GRID1: variants seen among roughly 807,000 people sequenced by gnomAD.
GRID1 encodes glutamate receptor ionotropic, delta-1.
In GRID1, 28 loss-of-function variants were observed where a neutral mutation model predicts 98.0. The observed-to-expected ratio is 0.29, with a 90% CI of 0.21 to 0.39. The LOEUF is 0.39. Among genes scored for constraint, GRID1 ranks in the 10% least tolerant of loss-of-function variants. The pLI is 1.00. For synonymous variants in GRID1, 553 were observed against 538.5 expected (o/e 1.03, Z -0.37); for missense variants, 1,111 against 1,340.5 (o/e 0.83, Z 2.67).
intron 5 of GRID1, among the ~76,000 whole-genome samples, chr10:85,872,437 TCTC>T (rs1843287445): frequency 6.6e-6 from 1 of 152,162 alleles, no homozygotes; most frequent in Non-Finnish European, 1.5e-5. Flanking sequence ...TGATTAAACT[TCTC>T]CTGCTTCCTC....
chr10:86,189,156 C>T (rs1028773559), intron 3 of GRID1, among the ~76,000 whole-genome samples: 1 of 152,182 alleles, frequency 6.6e-6, no homozygotes, highest in African/African-American at 2.4e-5. Context: ...GTCTGCAGCT[C>T]AGATATTATG....
chr10:86,084,091 C>T (rs927347616), intron 4 of GRID1, among the ~76,000 whole-genome samples: 2 of 152,156 alleles, frequency 1.3e-5, no homozygotes, highest in Non-Finnish European at 2.9e-5. Context: ...GAAGGACATG[C>T]ACTGAATATC....
chr10:85,732,116 C>A (rs984714760), intron 8 of GRID1, among the ~76,000 whole-genome samples: 2 of 152,132 alleles, frequency 1.3e-5, no homozygotes, highest in African/African-American at 2.4e-5. Flanking sequence ...TATGGACTCA[C>A]TGGGGCAGGA....
chr10:85,898,578 C>T (rs1022597077), intron 5 of GRID1, among the ~76,000 whole-genome samples: 1 of 152,002 alleles, frequency 6.6e-6, no homozygotes, highest in Non-Finnish European at 1.5e-5. Flanking sequence ...ATTCTATAAG[C>T]TTTTTTCTAT....
chr10:85,926,740 T>C (rs967470990), intron 4 of GRID1, among the ~76,000 whole-genome samples: 2 of 152,110 alleles, frequency 1.3e-5, no homozygotes, highest in African/African-American at 2.4e-5. Context: ...AAGGAGACAG[T>C]GTGCAGAAGC....
At chr10:86,325,828 T>C (rs1186011697) in intron 2 of GRID1, among the ~76,000 whole-genome samples, 1 of 152,220 alleles carries the variant, frequency 6.6e-6, no homozygotes, top group African/African-American at 2.4e-5. Flanking sequence ...AGCATCACAC[T>C]TAACTGGGAA....
At chr10:85,622,183 C>T (rs938225828) in intron 13 of GRID1, among the ~76,000 whole-genome samples, 2 of 152,004 alleles carry the variant, frequency 1.3e-5, no homozygotes, top group African/African-American at 2.4e-5. Context: ...GACAGGTGAG[C>T]ACAGCTGCAT....
chr10:86,198,984 T>C (rs1708638031), intron 3 of GRID1, among the ~76,000 whole-genome samples: 1 of 152,128 alleles, frequency 6.6e-6, no homozygotes. Flanking sequence ...CTCAGAGAAG[T>C]CACCTTGCAC....
intron 4 of GRID1, among the ~76,000 whole-genome samples, chr10:86,044,724 G>A (rs1238486367): frequency 1.3e-5 from 2 of 152,218 alleles, no homozygotes; most frequent in East Asian, 3.8e-4. Context: ...GTGATTTCCA[G>A]GCTTCGGGGG....
At chr10:85,712,851 T>TA (rs149409492) in intron 12 of GRID1, among the ~76,000 whole-genome samples, 29 of 151,328 alleles carry the variant, frequency 1.9e-4, no homozygotes, top group African/African-American at 6.8e-4. Flanking sequence ...AAAGGGATAC[T>TA]AAAAAAAATT....
chr10:85,618,884 G>C (rs979939604), intron 14 of GRID1, among the ~76,000 whole-genome samples: 4 of 152,322 alleles, frequency 2.6e-5, no homozygotes, highest in Admixed American at 2.0e-4. Context: ...TGAACTGCAG[G>C]ATGTTAAAGA....
At chr10:86,298,473 T>A (rs906499240) in intron 2 of GRID1, among the ~76,000 whole-genome samples, 7 of 151,762 alleles carry the variant, frequency 4.6e-5, no homozygotes, top group Non-Finnish European at 8.8e-5. Flanking sequence ...CACCTGACGT[T>A]CACTCCCTGC....
intron 4 of GRID1, among the ~76,000 whole-genome samples, chr10:85,943,363 C>G (rs1395819820): frequency 6.6e-6 from 1 of 151,780 alleles, no homozygotes; most frequent in Non-Finnish European, 1.5e-5. Context: ...GATTAAAGCT[C>G]TAAATGGAAA....
chr10:86,178,817 G>A (rs1434469351), intron 3 of GRID1, among the ~76,000 whole-genome samples: 1 of 152,128 alleles, frequency 6.6e-6, no homozygotes, highest in Non-Finnish European at 1.5e-5. Flanking sequence ...TTAGCCCAGA[G>A]ACCCTCAAAG....
At chr10:86,262,855 G>C (rs72845104) in intron 2 of GRID1, among the ~76,000 whole-genome samples, 1 of 152,158 alleles carries the variant, frequency 6.6e-6, no homozygotes, top group Non-Finnish European at 1.5e-5. Context: ...CTTGGCGACA[G>C]AGAGCCCAGG....
chr10:85,713,056 A>G (rs868216885), intron 12 of GRID1, among the ~76,000 whole-genome samples: 2 of 151,694 alleles, frequency 1.3e-5, no homozygotes, highest in African/African-American at 4.8e-5. Flanking sequence ...GAGGAAAATA[A>G]TAAAGATCGG....
At position 86,318,321 on chromosome 10, in the gene GRID1, G is replaced by A. The variant is rs150109238; in HGVS notation, c.235+45620C>T. 8.8e-3 allele frequency among the ~76,000 whole-genome samples: 1,340 copies of A among 152,332 alleles called. 17 individuals are homozygous for A. Among genetic ancestry groups the A allele is most frequent in the Middle Eastern group, 0.02 (6 of 294 alleles). ...AATTCTGCACATCGCATGTAACTCAGACCTAGTCATGGCCACTGCTGCCAC... is the reference window on the plus strand; with the variant it reads ...AATTCTGCACATCGCATGTAACTCAAACCTAGTCATGGCCACTGCTGCCAC... On this transcript the variant is annotated intron_variant, in intron 2 of 15. Coordinates refer to ENST00000327946, the MANE Select transcript of GRID1 (RefSeq NM_017551.3).
intron 8 of GRID1, among the ~76,000 whole-genome samples, chr10:85,733,828 C>T (rs1175561758): frequency 6.6e-6 from 1 of 151,794 alleles, no homozygotes; most frequent in Non-Finnish European, 1.5e-5. Context: ...GTGGTAAAAA[C>T]GGGAGAAGAC....
intron 2 of GRID1, among the ~76,000 whole-genome samples, chr10:86,343,076 A>G (rs749347476): frequency 1.2e-4 from 18 of 152,212 alleles, no homozygotes; most frequent in Non-Finnish European, 2.4e-4. Context: ...CTCTCTGCTG[A>G]TAGCACTCTC....
Sources: gnomAD v4.1 joint callset for allele counts (sites outside exome capture counted in the v4.1 genomes callset) on GRCh38, gnomAD v4.1.1 for gene constraint, MANE v1.5 for transcripts, NCBI Gene and HGNC (gene_info 2026-07-23, HGNC 2026-07-21) for gene names.